The following ROBO2 variants were observed in gnomAD, a reference collection of about 807,000 sequenced individuals.
ROBO2 encodes roundabout guidance receptor 2, also known as roundabout homolog 2.
Under a neutral mutation model 160.8 loss-of-function variants are expected in ROBO2, and 53 were observed. The ratio of observed to expected loss-of-function variants is 0.33; its 90% confidence interval spans 0.26 to 0.41. The LOEUF (loss-of-function observed/expected upper bound fraction) is 0.41, where lower values mean the gene tolerates loss of function less well. Among genes scored for constraint, ROBO2 ranks in the 10% least tolerant of loss-of-function variants. ROBO2 has a pLI of 1.00. For synonymous variants in ROBO2, 664 were observed against 611.7 expected, an observed-to-expected ratio of 1.09 and a Z score of -1.26; for missense variants, 1,577 against 1,722.4, an observed-to-expected ratio of 0.92 and a Z score of 1.49.
rs1159483943 is a variant in ROBO2 at position 77,090,668 on chromosome 3, T to C, written c.62-7346T>C. Among the ~76,000 whole-genome samples the C allele has an allele frequency of 3.3e-5, 5 of 151,992 alleles. No homozygotes were observed. The East Asian group carries it at 9.7e-4, about 29-fold the overall frequency. The stretch of plus-strand genomic sequence containing the variant: ...AGCGCCCGGCCTAAACCACTCTTTA[T>C]AGCATTGATGTCCTGATCTACCTGT... On this transcript the variant is annotated intron_variant, in intron 1 of 25. Transcript: ENST00000461745.
At chr3:76,414,807 G>T (rs1392052047) in intron 2 of ROBO2, among the ~76,000 whole-genome samples, 1 of 151,516 alleles carries the variant, frequency 6.6e-6, no homozygotes, top group East Asian at 1.9e-4. Context: ...AATCTAGAAG[G>T]TCATGGGAAA....
At chr3:76,244,522 CCAGTCCTGGG>C (rs199594704) in intron 2 of ROBO2, among the ~76,000 whole-genome samples, 2,181 of 152,270 alleles carry the variant, frequency 0.014, 47 homozygotes, top group African/African-American at 0.049. Context: ...CATTACATTT[CCAGTCCTGGG>C]CAGTTCAGGC....
chr3:77,410,238 T>C (rs1228056928), intron 2 of ROBO2, among the ~76,000 whole-genome samples: 1 of 152,242 alleles, frequency 6.6e-6, no homozygotes, highest in Non-Finnish European at 1.5e-5. Flanking sequence ...TCTGTTTCTA[T>C]GTATCAAAAC....
chr3:77,024,971 T>G (rs1040766157), intron 2 of ROBO2, among the ~76,000 whole-genome samples: 4 of 151,876 alleles, frequency 2.6e-5, no homozygotes, highest in Non-Finnish European at 4.4e-5. Context: ...TGTTTTTTTT[T>G]GTTTGTTTTT....
At chr3:76,847,096 C>G (rs2068845761) in intron 2 of ROBO2, among the ~76,000 whole-genome samples, 1 of 152,044 alleles carries the variant, frequency 6.6e-6, no homozygotes, top group Non-Finnish European at 1.5e-5. Flanking sequence ...TGCTACTGTC[C>G]AAGAGTTTTA....
At chr3:77,120,607 T>A (rs1385916516) in intron 2 of ROBO2, among the ~76,000 whole-genome samples, 3 of 152,206 alleles carry the variant, frequency 2.0e-5, no homozygotes, top group Non-Finnish European at 4.4e-5. Flanking sequence ...GTTGCAAAGA[T>A]AAAATTCATT....
chr3:77,064,362 CT>C (rs71104649), intron 1 of ROBO2, among the ~76,000 whole-genome samples: 13 of 138,170 alleles, frequency 9.4e-5, no homozygotes, highest in African/African-American at 3.5e-4. Flanking sequence ...TTGGATGTAT[CT>C]TTTTTTTTTT....
chr3:76,308,979 A>G (rs530346331), intron 2 of ROBO2, among the ~76,000 whole-genome samples: 1 of 152,292 alleles, frequency 6.6e-6, no homozygotes, highest in Admixed American at 6.5e-5. Flanking sequence ...AAATTCAACA[A>G]TTCTATCCAC....
chr3:77,024,679 G>A (rs1374264469), intron 2 of ROBO2, among the ~76,000 whole-genome samples: 2 of 152,132 alleles, frequency 1.3e-5, no homozygotes, highest in Admixed American at 6.6e-5. Flanking sequence ...CATACCAGTT[G>A]TTCTGGATTC....
intron 2 of ROBO2, among the ~76,000 whole-genome samples, chr3:76,801,975 G>T: frequency 6.6e-6 from 1 of 152,244 alleles, no homozygotes; most frequent in African/African-American, 2.4e-5. Flanking sequence ...GCTGGTCAGA[G>T]GAGAAGTCAG....
intron 2 of ROBO2, among the ~76,000 whole-genome samples, chr3:76,531,758 T>C (rs17014318): frequency 0.011 from 1,735 of 152,170 alleles, 30 homozygotes; most frequent in African/African-American, 0.039. Context: ...CACTATTTTC[T>C]TAATTTTCCA....
intron 2 of ROBO2, among the ~76,000 whole-genome samples, chr3:76,823,597 G>T (rs2066305878): frequency 6.6e-6 from 1 of 152,120 alleles, no homozygotes. Context: ...GTCAACAAAA[G>T]AATTATGAGT....
Position 76,273,120 on chromosome 3 carries a change from A to AATATATATATATAT in ROBO2, c.109+335532_109+335545dup, listed in dbSNP as rs749043409. Among the ~76,000 whole-genome samples, 162 of 32,338 alleles carry AATATATATATATAT rather than the reference A, an allele frequency of 5.0e-3. 3 individuals are homozygous for AATATATATATATAT. Among genetic ancestry groups the AATATATATATATAT allele is most frequent in the Non-Finnish European group, 7.1e-3 (45 of 6,338 alleles). The allele number at this position is 32,338 out of a possible 152,430, so 21.2% of individuals were successfully genotyped here. The stretch of plus-strand genomic sequence containing the variant: ...ACACACATATACACACACACATATA[A>AATATATATATATAT]ATATATATATATATATATATATATA... On this transcript the variant is annotated intron_variant, in intron 2 of 26. Coordinates refer to the ROBO2 transcript ENST00000487694.
chr3:76,835,614 T>C (rs2067621823), intron 2 of ROBO2, among the ~76,000 whole-genome samples: 3 of 151,678 alleles, frequency 2.0e-5, no homozygotes, highest in Admixed American at 2.0e-4. Flanking sequence ...AATTGTACTT[T>C]CTCCAGGTAC....
chr3:75,929,776 C>A (rs2106923308), intron 1 of ROBO2, among the ~76,000 whole-genome samples: 1 of 150,032 alleles, frequency 6.7e-6, no homozygotes, highest in Non-Finnish European at 1.5e-5. Flanking sequence ...CTCACTGCAA[C>A]CTCCTCCTCC....
chr3:76,274,874 C>A (rs1028833084), intron 2 of ROBO2, among the ~76,000 whole-genome samples: 6 of 150,222 alleles, frequency 4.0e-5, no homozygotes, highest in African/African-American at 1.5e-4. Context: ...AATATAGCAA[C>A]ATTATTTAAT....
At chr3:76,412,193 C>T (rs760266340) in intron 2 of ROBO2, among the ~76,000 whole-genome samples, 10 of 152,230 alleles carry the variant, frequency 6.6e-5, no homozygotes, top group South Asian at 2.1e-4. Context: ...CAGAATAGCA[C>T]GAGAAACACC....
chr3:76,293,309 CAAG>C (rs1708899709), intron 2 of ROBO2, among the ~76,000 whole-genome samples: 1 of 152,154 alleles, frequency 6.6e-6, no homozygotes, highest in South Asian at 2.1e-4. Context: ...ACATTTTCAT[CAAG>C]GAACTGAATC....
intron 2 of ROBO2, among the ~76,000 whole-genome samples, chr3:77,164,626 C>T (rs1218152185): frequency 7.7e-6 from 1 of 129,252 alleles, no homozygotes; most frequent in African/African-American, 3.0e-5. Context: ...TGAGGAGCCC[C>T]TCTGCCCGGC....
Sources: allele counts gnomAD v4.1 joint callset (sites outside exome capture counted in the v4.1 genomes callset), GRCh38; gene constraint gnomAD v4.1.1; transcripts MANE v1.5; gene names NCBI Gene and HGNC (gene_info 2026-07-23, HGNC 2026-07-21).